COL6A5: variants seen among roughly 807,000 people sequenced by gnomAD.
The protein encoded by COL6A5 is collagen alpha-5(VI) chain.
COL6A5 carries 48 observed loss-of-function variants against 65.6 expected under a neutral mutation model. The observed-to-expected ratio is 0.73, with a 90% confidence interval of 0.58 to 0.93. COL6A5 has a LOEUF of 0.93. Among genes scored for constraint, COL6A5 ranks in the 40% least tolerant of loss-of-function variants. The pLI is 0.00. For missense variants in COL6A5, 914 were observed against 928.3 expected (o/e 0.98, Z 0.20); for synonymous variants, 291 against 322.8 (o/e 0.90, Z 1.05).
chr3:130,469,305 A>G (rs747398889), exon 6 of COL6A5: 16 of 1,613,044 alleles, frequency 9.9e-6, no homozygotes, highest in Non-Finnish European at 1.3e-5. Context: ...CTGAGAGCCA[A>G]GTGTCAAGGC....
At chr3:130,370,862 G>A (rs1037886674) in intron 1 of COL6A5, among the ~76,000 whole-genome samples, 4 of 152,158 alleles carry the variant, frequency 2.6e-5, no homozygotes, top group Admixed American at 6.5e-5. Context: ...CATGCAAAGT[G>A]GGAATTTGAG....
chr3:130,413,945 A>T, intron 21 of COL6A5, 124 bp from the exon 22 acceptor site: 2 of 725,402 alleles, frequency 2.8e-6, no homozygotes, highest in Non-Finnish European at 4.7e-6. Flanking sequence ...ATCCTAGGCC[A>T]AGTAGAGGGT....
chr3:130,438,295 A>G (rs1709085396), intron 1 of COL6A5, among the ~76,000 whole-genome samples: 1 of 152,166 alleles, frequency 6.6e-6, no homozygotes, highest in African/African-American at 2.4e-5. Context: ...ACGCCAGGCC[A>G]AGATAGAGGT....
At chr3:130,395,561 T>C in intron 8 of COL6A5, 96 bp downstream of exon 8, 2 of 891,826 alleles carry the variant, frequency 2.2e-6, no homozygotes, top group Non-Finnish European at 3.5e-6. Flanking sequence ...AGCATATATT[T>C]AGAACATATA....
chr3:130,409,867 T>C (rs1295827443), intron 18 of COL6A5, 142 bp from the exon 19 acceptor site: 2 of 575,752 alleles, frequency 3.5e-6, no homozygotes, highest in East Asian at 5.6e-5. Context: ...TTTTCCAAAA[T>C]CCTGTGAGTT....
At chr3:130,472,056 A>C in intron 7 of COL6A5, 130 bp downstream of exon 40, 1 of 922,226 alleles carries the variant, frequency 1.1e-6, no homozygotes, top group South Asian at 1.8e-5. Flanking sequence ...AGAGGGGCTT[A>C]TCGTCTAAGG....
chr3:130,436,773 A>G (rs1168990984), intron 1 of COL6A5, among the ~76,000 whole-genome samples: 3 of 151,890 alleles, frequency 2.0e-5, no homozygotes, highest in African/African-American at 7.3e-5. Flanking sequence ...TAATTTTCTG[A>G]TTCGGCTTCA....
exon 6 of COL6A5, chr3:130,469,010 G>A (rs772612961): frequency 1.9e-6 from 3 of 1,612,866 alleles, no homozygotes; most frequent in East Asian, 2.2e-5. Context: ...AGGAGACAGG[G>A]TTGCTGTCCT....
chr3:130,366,784 A>C (rs1377250428), intron 1 of COL6A5, among the ~76,000 whole-genome samples: 1 of 152,228 alleles, frequency 6.6e-6, no homozygotes, highest in Non-Finnish European at 1.5e-5. Flanking sequence ...AATATTCACT[A>C]TGCACCTACT....
At position 130,401,090 on chromosome 3, in the gene COL6A5, T is replaced by A. The variant is rs994368169; in HGVS notation, c.4051T>A (p.Phe1351Ile). 1.9e-6 allele frequency: 3 copies of A among 1,551,244 alleles called. No individual in the cohort carries two copies. The African/African-American group carries it at 4.1e-5, about 21-fold the overall frequency. ...AACTGCTCATCATGAGTTTTCTAGC[T>A]TTGAATTTGGAAAAAGATTCGATTA... Residue 1351 changes from phenylalanine to isoleucine, a missense_variant and NMD_transcript_variant, in exon 11 of 42, where the codon TTT becomes ATT. Coordinates refer to the COL6A5 transcript ENST00000312481.
Position 130,443,472 on chromosome 3 carries a change from A to G in COL6A5, c.1242-4A>G, listed in dbSNP as rs770001695. 75 of 1,596,690 alleles carry G rather than the reference A, an allele frequency of 4.7e-5. No homozygotes were observed. The East Asian group carries it at 8.3e-4, about 18-fold the overall frequency. On this transcript the variant is annotated splice_polypyrimidine_tract_variant and splice_region_variant and intron_variant, in intron 3 of 7. Transcript: ENST00000512836. ...ATCTAACTATAACTTTGTTCTCTCA[A>G]TAGGGGGATTCAATCAGTACCCACC...
Position 130,410,874 on chromosome 3 carries a change from C to T in COL6A5, c.4662+350C>T, listed in dbSNP as rs192757230. Among the ~76,000 whole-genome samples, 47 of 152,284 alleles carry T rather than the reference C, an allele frequency of 3.1e-4. 1 individual carries two copies. The East Asian group carries it at 3.1e-3, about 10-fold the overall frequency. On this transcript the variant is annotated intron_variant and NMD_transcript_variant, in intron 20 of 41. Coordinates refer to the COL6A5 transcript ENST00000312481. ...GAGGCAAAATCACCCCTGGTTGAAA[C>T]GACTGTAACATAGTTGGCCTTTCCC...
At chr3:130,372,211 G>C (rs1470952930) in intron 1 of COL6A5, among the ~76,000 whole-genome samples, 1 of 152,108 alleles carries the variant, frequency 6.6e-6, no homozygotes, top group African/African-American at 2.4e-5. Context: ...ATACACTGCT[G>C]CTGAGAATGT....
chr3:130,403,769 T>G, intron 13 of COL6A5, 107 bp downstream of exon 13: 1 of 813,968 alleles, frequency 1.2e-6, no homozygotes, highest in Non-Finnish European at 1.8e-6. Context: ...AAAGCTTATT[T>G]TCATACAAAA....
intron 1 of COL6A5, among the ~76,000 whole-genome samples, chr3:130,438,485 A>G (rs1455783106): frequency 6.6e-6 from 1 of 152,240 alleles, no homozygotes; most frequent in East Asian, 1.9e-4. Flanking sequence ...GTCAACATCT[A>G]GTCTTTACAT....
At chr3:130,476,005 G>A (rs908707015) in intron 7 of COL6A5, among the ~76,000 whole-genome samples, 2 of 152,016 alleles carry the variant, frequency 1.3e-5, no homozygotes, top group East Asian at 1.9e-4. Flanking sequence ...AGGAATAAGG[G>A]GTAGATCAGA....
intron 29 of COL6A5, among the ~76,000 whole-genome samples, chr3:130,424,857 C>T (rs1937575123): frequency 6.6e-6 from 1 of 152,096 alleles, no homozygotes; most frequent in African/African-American, 2.4e-5. Context: ...CTGGGGCTCT[C>T]ATCTGGGGAC....
At chr3:130,429,142 A>C (rs1937688235), upstream of COL6A5, among the ~76,000 whole-genome samples, 1 of 152,186 alleles carries the variant, frequency 6.6e-6, no homozygotes, top group Non-Finnish European at 1.5e-5. Flanking sequence ...TGGGAAAATA[A>C]AGGCTCCCAA....
intron 1 of COL6A5, among the ~76,000 whole-genome samples, chr3:130,370,884 A>G (rs1935528501): frequency 6.6e-6 from 1 of 152,182 alleles, no homozygotes; most frequent in Non-Finnish European, 1.5e-5. Flanking sequence ...TGAAGAAAGA[A>G]TGGGAGCAGA....
Sources: allele counts gnomAD v4.1 joint callset (sites outside exome capture counted in the v4.1 genomes callset), GRCh38; gene constraint gnomAD v4.1.1; transcripts MANE v1.5; gene names NCBI Gene and HGNC (gene_info 2026-07-23, HGNC 2026-07-21).